The following IL1RAPL1 variants were observed in gnomAD, a reference collection of about 807,000 sequenced individuals.
IL1RAPL1 encodes interleukin-1 receptor accessory protein-like 1.
IL1RAPL1 carries 3 observed loss-of-function variants against 48.4 expected under a neutral mutation model. The ratio of observed to expected loss-of-function variants is 0.06; its 90% CI spans 0.03 to 0.16. The LOEUF (loss-of-function observed/expected upper bound fraction) is 0.16, where lower values mean the gene tolerates loss of function less well. IL1RAPL1 is among the 10% of genes least tolerant of loss of function. The pLI is 1.00. For missense variants in IL1RAPL1, 349 were observed against 530.6 expected, an observed-to-expected ratio of 0.66 and a Z score of 3.36; for synonymous variants, 185 against 187.7, an observed-to-expected ratio of 0.99 and a Z score of 0.12.
chrX:29,375,265 C>A (rs1933606880), intron 3 of IL1RAPL1, among the ~76,000 whole-genome samples: 1 of 102,688 alleles, frequency 9.7e-6, no homozygotes. Context: ...AGGTTCAAGC[C>A]ATTCTCGTGC....
At chrX:29,615,151 T>C (rs188363855) in intron 5 of IL1RAPL1, among the ~76,000 whole-genome samples, 1 of 111,686 alleles carries the variant, frequency 9.0e-6, no homozygotes, top group African/African-American at 3.2e-5. Flanking sequence ...TAGGTGTATA[T>C]ACAAAAAGCC....
intron 1 of IL1RAPL1, among the ~76,000 whole-genome samples, chrX:28,689,564 C>T (rs1261019278): frequency 9.0e-6 from 1 of 111,681 alleles, no homozygotes; most frequent in Admixed American, 9.5e-5. Context: ...ATTTATCTCA[C>T]TATAAAATTA....
intron 5 of IL1RAPL1, among the ~76,000 whole-genome samples, chrX:29,447,209 TC>T: frequency 9.0e-6 from 1 of 110,853 alleles, no homozygotes; most frequent in East Asian, 2.8e-4. Context: ...ACCCTTTTGC[TC>T]CCCCCAAAAG....
chrX:29,221,110 G>A (rs892908384), intron 2 of IL1RAPL1, among the ~76,000 whole-genome samples: 13 of 110,950 alleles, frequency 1.2e-4, no homozygotes, highest in Non-Finnish European at 2.5e-4. Flanking sequence ...AGTAGAGATG[G>A]GGCCACCACA....
At chrX:29,555,081 C>T (rs763022498) in intron 5 of IL1RAPL1, among the ~76,000 whole-genome samples, 8 of 112,788 alleles carry the variant, frequency 7.1e-5, no homozygotes, top group African/African-American at 2.6e-4. Flanking sequence ...CCCTGCCAGA[C>T]CACCTGTTAT....
At chrX:29,608,699 G>A (rs1257207806) in intron 5 of IL1RAPL1, among the ~76,000 whole-genome samples, 8 of 99,585 alleles carry the variant, frequency 8.0e-5, no homozygotes, top group Non-Finnish European at 8.0e-5. Context: ...GGTGGCGGGC[G>A]CCTGTAGTCT....
chrX:29,491,439 A>G (rs1479838423), intron 5 of IL1RAPL1, among the ~76,000 whole-genome samples: 2 of 112,643 alleles, frequency 1.8e-5, no homozygotes, highest in Non-Finnish European at 3.7e-5. Context: ...ACAGAAACAG[A>G]AAGTCCCTTG....
intron 6 of IL1RAPL1, among the ~76,000 whole-genome samples, chrX:29,825,826 C>A (rs990567865): frequency 9.0e-6 from 1 of 111,577 alleles, no homozygotes; most frequent in Non-Finnish European, 1.9e-5. Flanking sequence ...TTTTAAAAAT[C>A]ATTTTAAAAT....
At chrX:29,485,040 A>G (rs745594899) in intron 5 of IL1RAPL1, among the ~76,000 whole-genome samples, 1 of 112,171 alleles carries the variant, frequency 8.9e-6, no homozygotes, top group South Asian at 3.7e-4. Context: ...GAATTCAAGA[A>G]TTAGATTATT....
chrX:29,791,485 G>A (rs766766699), intron 6 of IL1RAPL1, among the ~76,000 whole-genome samples: 207 of 105,199 alleles, frequency 2.0e-3, no homozygotes, highest in African/African-American at 5.7e-3. Flanking sequence ...GTGCAATGGC[G>A]TGATCTCGGC....
chrX:29,469,850 A>G (rs1323878450), intron 5 of IL1RAPL1, among the ~76,000 whole-genome samples: 1 of 111,963 alleles, frequency 8.9e-6, no homozygotes, highest in Non-Finnish European at 1.9e-5. Context: ...GTTCCTTTAA[A>G]ATTTTTAATC....
chrX:29,222,816 C>T (rs1356313923), intron 2 of IL1RAPL1, among the ~76,000 whole-genome samples: 1 of 111,407 alleles, frequency 9.0e-6, no homozygotes, highest in African/African-American at 3.3e-5. Flanking sequence ...GGGCTGGCAT[C>T]TTTTAAAGTG....
At chrX:28,809,019 AT>A (rs1466260446) in intron 2 of IL1RAPL1, among the ~76,000 whole-genome samples, 3 of 110,557 alleles carry the variant, frequency 2.7e-5, no homozygotes, top group Non-Finnish European at 5.7e-5. Flanking sequence ...GAGTAAATCT[AT>A]TTTTGGTCGG....
intron 5 of IL1RAPL1, among the ~76,000 whole-genome samples, chrX:29,642,652 G>A (rs1461260436): frequency 8.9e-6 from 1 of 112,603 alleles, no homozygotes; most frequent in African/African-American, 3.2e-5. Context: ...TACTCCACAT[G>A]GATTTCAAAT....
intron 2 of IL1RAPL1, among the ~76,000 whole-genome samples, chrX:28,984,044 G>A (rs1925406309): frequency 9.0e-6 from 1 of 111,262 alleles, no homozygotes; most frequent in Non-Finnish European, 1.9e-5. Flanking sequence ...CATTGGAATA[G>A]CATGTGTGTG....
At chrX:29,776,351 T>TAG (rs748386712) in intron 6 of IL1RAPL1, among the ~76,000 whole-genome samples, 6 of 111,312 alleles carry the variant, frequency 5.4e-5, no homozygotes, top group Admixed American at 9.6e-5. Context: ...TTGTATCCTC[T>TAG]AGCCTGTTGC....
At chrX:29,353,174 C>A (rs746792754) in intron 3 of IL1RAPL1, among the ~76,000 whole-genome samples, 2 of 111,409 alleles carry the variant, frequency 1.8e-5, no homozygotes, top group African/African-American at 3.3e-5. Context: ...AGAAAGAGGG[C>A]AAATTGGGTG....
intron 6 of IL1RAPL1, among the ~76,000 whole-genome samples, chrX:29,903,759 T>C (rs1264318348): frequency 1.8e-5 from 2 of 111,762 alleles, no homozygotes; most frequent in Non-Finnish European, 3.8e-5. Context: ...TCATTTTAGA[T>C]AGGAATGATT....
At chrX:29,685,791 C>A (rs144991617) in intron 6 of IL1RAPL1, among the ~76,000 whole-genome samples, 7,009 of 109,593 alleles carry the variant, frequency 0.064, 237 homozygotes, top group East Asian at 0.17. Context: ...TCGAGACCGG[C>A]CTGGCCAACA....
Sources: gnomAD v4.1 joint callset for allele counts (sites outside exome capture counted in the v4.1 genomes callset) on GRCh38, gnomAD v4.1.1 for gene constraint, MANE v1.5 for transcripts, NCBI Gene and HGNC (gene_info 2026-07-23, HGNC 2026-07-21) for gene names.